Variants in PTPRU observed in about 807,000 individuals in gnomAD.
PTPRU encodes the protein protein tyrosine phosphatase receptor type U.
In PTPRU, 69 loss-of-function variants were observed where a neutral mutation model predicts 166.3. That is an observed-to-expected ratio of 0.41 (90% CI 0.34 to 0.51). The LOEUF (loss-of-function observed/expected upper bound fraction) is 0.51. Ranked by LOEUF, PTPRU falls within the 20% of genes least tolerant of loss-of-function variation. The probability of loss-of-function intolerance (pLI) is 0.09; values close to 1 mark genes in which losing one functional copy is unlikely to be tolerated. For missense variants in PTPRU, 1,657 were observed against 2,013.7 expected (o/e 0.82, Z 3.39); for synonymous variants, 793 against 814.0 (o/e 0.97, Z 0.44).
chr1:29,265,743 T>C (rs1240982578), intron 7 of PTPRU, among the ~76,000 whole-genome samples: 4 of 152,164 alleles, frequency 2.6e-5, no homozygotes, highest in Non-Finnish European at 1.5e-5. Context: ...CATTTTCTAA[T>C]TGGATTATTC....
Position 29,264,098 on chromosome 1 carries a change from C to T in PTPRU, c.1144+3195C>T, listed in dbSNP as rs762224606. 4.6e-5 allele frequency among the ~76,000 whole-genome samples: 7 copies of T among 151,798 alleles called. No individual in the cohort carries two copies. The South Asian group carries it at 6.2e-4, about 14-fold the overall frequency. On this transcript the variant is annotated intron_variant, in intron 7 of 29. Coordinates refer to ENST00000373779, the MANE Select transcript of PTPRU (RefSeq NM_133178.4). ...CTGAGGCACAAGAATCGCTTGAACC[C>T]GGGAGGTGGAGGTTGCAGTGAGCTG...
chr1:29,316,199 G>T, intron 24 of PTPRU, 48 bp downstream of exon 24: 1 of 1,579,244 alleles, frequency 6.3e-7, no homozygotes, highest in Admixed American at 1.7e-5. Flanking sequence ...GTGTCTGTGT[G>T]TGTGTTGGGG....
At chr1:29,243,185 C>T (rs1469891846) in intron 1 of PTPRU, among the ~76,000 whole-genome samples, 2 of 152,204 alleles carry the variant, frequency 1.3e-5, no homozygotes, top group Non-Finnish European at 2.9e-5. Flanking sequence ...GCATGAGCCC[C>T]CGGGCCCGGC....
intron 18 of PTPRU, 122 bp downstream of exon 18, chr1:29,305,550 C>G (rs1557471722): frequency 9.9e-7 from 1 of 1,007,932 alleles, no homozygotes; most frequent in Admixed American, 1.7e-5. Context: ...CGGAGTGCCC[C>G]TATCTCTGCA....
intron 7 of PTPRU, among the ~76,000 whole-genome samples, chr1:29,266,151 G>A (rs2151947480): frequency 6.6e-6 from 1 of 150,982 alleles, no homozygotes. Flanking sequence ...CTCCTGAGTA[G>A]CTGGGATTAC....
In PTPRU at chr1:29,282,760, G is replaced by C. The variant is rs1042591455; in HGVS notation, c.1953G>C (p.Leu651Phe). The C allele has an allele frequency of 6.2e-7, 1 of 1,614,082 alleles. No homozygotes were observed. Among genetic ancestry groups the C allele is most frequent in the Admixed American group, 1.7e-5 (1 of 60,024 alleles). Reference sequence around the variant, plus strand: ...GACAGGACTGCTTCCCAGTGCCATTGACCTTCGAGGCGGCGCTGGCCCGAG... The same window carrying C: ...GACAGGACTGCTTCCCAGTGCCATTCACCTTCGAGGCGGCGCTGGCCCGAG... Reference protein sequence around the residue: ...PGGQDCFPVPLTFEAALARGL... With the variant: ...PGGQDCFPVPFTFEAALARGL... The change falls in exon 12 of 30, where the codon TTG becomes TTC. Residue 651 changes from leucine to phenylalanine, a missense_variant. Leu to Phe is a conservative substitution (Grantham distance 22). Coordinates refer to ENST00000373779, the MANE Select transcript of PTPRU (RefSeq NM_133178.4).
At chr1:29,251,030 C>T (rs967329310) in intron 1 of PTPRU, among the ~76,000 whole-genome samples, 10 of 152,102 alleles carry the variant, frequency 6.6e-5, no homozygotes, top group African/African-American at 2.4e-4. Context: ...GGTGGAGGCA[C>T]CACTTGAGGC....
chr1:29,291,779 G>C lies in PTPRU; in HGVS notation c.2319-90G>C. 1 of 1,393,688 alleles carries C rather than the reference G, an allele frequency of 7.2e-7. No individual in the cohort carries two copies. Among genetic ancestry groups the C allele is most frequent in the Non-Finnish European group, 9.8e-7 (1 of 1,015,512 alleles). 86.3% of individuals were successfully genotyped at this position (1,393,688 alleles called of 1,614,324 possible). On this transcript the variant is annotated intron_variant, in intron 14 of 29. Coordinates refer to ENST00000373779, the MANE Select transcript of PTPRU (RefSeq NM_133178.4). The surrounding 1 kb of genome is among the most constrained non-coding windows in gnomAD (Gnocchi z 4.1). ...GACAGCTGCTGGCTCCTGGCCTTGA[G>C]GTCCCCTTACTCCAGGGCCTCCCCA...
At chr1:29,290,672 C>T (rs774041091) in intron 14 of PTPRU, among the ~76,000 whole-genome samples, 15 of 152,252 alleles carry the variant, frequency 9.9e-5, no homozygotes, top group Admixed American at 7.9e-4. Context: ...CAGCGACTCG[C>T]GCTGAGCCCC....
chr1:29,259,644 T>A (rs1279575401), intron 5 of PTPRU, 80 bp downstream of exon 5: 1 of 1,380,662 alleles, frequency 7.2e-7, no homozygotes, highest in African/African-American at 1.4e-5. Flanking sequence ...TCCCCCCAGA[T>A]TGCTGAGTCC....
chr1:29,317,242 T>G lies in PTPRU; in HGVS notation c.3514-506T>G, dbSNP rs900977465. On this transcript the variant is annotated intron_variant, in intron 24 of 29. Coordinates refer to ENST00000373779, the MANE Select transcript of PTPRU (RefSeq NM_133178.4). This position sits in a 1 kb window ranked among gnomAD's most constrained non-coding sequence, Gnocchi z 5.6. ...TGATTCAGTGCCCGGTGCTTAGGAC[T>G]TCATTCTGTTCAGACAGGGCCGTGA... 2.6e-5 allele frequency among the ~76,000 whole-genome samples: 4 copies of G among 152,138 alleles called. No individual in the cohort carries two copies. Among genetic ancestry groups the G allele is most frequent in the Non-Finnish European group, 4.4e-5 (3 of 68,020 alleles).
rs577272658 is a variant in PTPRU at position 29,237,211 on chromosome 1, G to A, written c.73+494G>A. 3.5e-3 allele frequency among the ~76,000 whole-genome samples: 527 copies of A among 152,248 alleles called. 1 individual carries two copies. Among genetic ancestry groups the A allele is most frequent in the Non-Finnish European group, 6.7e-3 (454 of 68,026 alleles). On this transcript the variant is annotated intron_variant, in intron 1 of 29. Coordinates refer to ENST00000373779, the MANE Select transcript of PTPRU (RefSeq NM_133178.4). This position sits in a 1 kb window ranked among gnomAD's most constrained non-coding sequence, Gnocchi z 6.4. ...GCTCTCTGGATCCCGCCTGAGTGTG[G>A]ATCCGGGAACGCGTGTGTGGCGTGT... is the stretch of plus-strand genomic sequence containing the variant.
intron 26 of PTPRU, among the ~76,000 whole-genome samples, chr1:29,322,846 C>T (rs1308067437): frequency 6.6e-6 from 1 of 152,040 alleles, no homozygotes. Context: ...CCTCCACAGT[C>T]TGGAGTCTGG....
Position 29,260,609 on chromosome 1 carries a change from G to A in PTPRU, c.851-1G>A. The A allele has an allele frequency of 6.7e-7, 1 of 1,487,848 alleles. No individual in the cohort carries two copies. The highest frequency in any genetic ancestry group is 8.9e-7 in the Non-Finnish European group (1 of 1,117,840). The allele number at this position is 1,487,848 out of a possible 1,614,324, so 92.2% of individuals were successfully genotyped here. A position where few individuals can be genotyped will look rare whatever the true frequency, so the allele number is the denominator to read the frequency against. On this transcript the variant is annotated splice_acceptor_variant, in intron 6 of 29. Transcript: ENST00000373779. LOFTEE classifies it high-confidence loss of function. The surrounding 1 kb of genome is among the most constrained non-coding windows in gnomAD (Gnocchi z 8.3). ...CTCGCCTCTCCCCCATCTCCTCGCA[G>A]AGCCCCCAACTCCCATCGCGCCCCC...
intron 1 of PTPRU, among the ~76,000 whole-genome samples, chr1:29,243,836 G>C (rs1396331880): frequency 6.6e-6 from 1 of 152,204 alleles, no homozygotes; most frequent in Non-Finnish European, 1.5e-5. Flanking sequence ...GCAGGAGCTG[G>C]GGTTCTGCAG....
intron 8 of PTPRU, among the ~76,000 whole-genome samples, chr1:29,276,924 T>G (rs750544479): frequency 5.0e-4 from 76 of 152,344 alleles, no homozygotes; most frequent in Non-Finnish European, 6.6e-4. Flanking sequence ...AAGCTACACA[T>G]TTTCCTCTAA....
chr1:29,273,610 C>G (rs1459959535), intron 7 of PTPRU, among the ~76,000 whole-genome samples: 1 of 152,048 alleles, frequency 6.6e-6, no homozygotes, highest in East Asian at 1.9e-4. Context: ...GTTGTGTTGC[C>G]CAGGCTGGTC....
At chr1:29,296,366 G>T (rs1168980737) in intron 15 of PTPRU, among the ~76,000 whole-genome samples, 1 of 152,106 alleles carries the variant, frequency 6.6e-6, no homozygotes, top group Non-Finnish European at 1.5e-5. Flanking sequence ...ACTTTTTTCT[G>T]CAATTATTGT....
At chr1:29,299,038 A>G (rs1406756892) in intron 15 of PTPRU, among the ~76,000 whole-genome samples, 2 of 152,216 alleles carry the variant, frequency 1.3e-5, no homozygotes, top group Non-Finnish European at 2.9e-5. Flanking sequence ...ACATTGAATA[A>G]CTGGGGGCCT....
Sources: allele counts gnomAD v4.1 joint callset (sites outside exome capture counted in the v4.1 genomes callset), GRCh38; gene constraint gnomAD v4.1.1; non-coding constraint Gnocchi (gnomAD v3.1); transcripts MANE v1.5; gene names NCBI Gene and HGNC (gene_info 2026-07-23, HGNC 2026-07-21).